The following COL19A1 variants were observed in gnomAD, a reference collection of about 807,000 sequenced individuals.
The protein encoded by COL19A1 is collagen alpha-1(XIX) chain.
COL19A1 carries 159 observed loss-of-function variants against 190.2 expected under a neutral mutation model. The ratio of observed to expected loss-of-function variants is 0.84; its 90% CI spans 0.73 to 0.95. The LOEUF (loss-of-function observed/expected upper bound fraction) is 0.95. Ranked by LOEUF, COL19A1 falls within the 40% of genes least tolerant of loss-of-function variation. The pLI, the probability that COL19A1 is intolerant of heterozygous loss-of-function variation, is 0.00. For missense variants in COL19A1, 1,418 were observed against 1,431.9 expected, an observed-to-expected ratio of 0.99 and a Z score of 0.16; for synonymous variants, 509 against 458.9, an observed-to-expected ratio of 1.11 and a Z score of -1.39.
intron 19 of COL19A1, among the ~76,000 whole-genome samples, chr6:70,138,573 G>T (rs893199317): frequency 3.3e-5 from 5 of 152,140 alleles, no homozygotes; most frequent in South Asian, 2.1e-4. Context: ...AAAGGATATT[G>T]GTTTATCAGG....
At chr6:70,163,916 G>A (rs930025848) in intron 36 of COL19A1, among the ~76,000 whole-genome samples, 2 of 152,134 alleles carry the variant, frequency 1.3e-5, no homozygotes, top group East Asian at 3.9e-4. Flanking sequence ...TACTAGCTGT[G>A]TCCTCACATA....
At chr6:70,195,896 A>G (rs891545936) in intron 48 of COL19A1, among the ~76,000 whole-genome samples, 2 of 152,108 alleles carry the variant, frequency 1.3e-5, no homozygotes, top group East Asian at 3.9e-4. Flanking sequence ...GTCTCCTTTC[A>G]TATGCTCCCC....
intron 47 of COL19A1, 75 bp from the exon 48 acceptor site, chr6:70,190,240 G>A (rs1766777589): frequency 2.5e-6 from 3 of 1,177,560 alleles, no homozygotes; most frequent in South Asian, 2.8e-5. Context: ...AAATAGGCAA[G>A]CCAACCCAAT....
intron 7 of COL19A1, among the ~76,000 whole-genome samples, chr6:69,933,349 A>G (rs180939686): frequency 6.6e-6 from 1 of 152,176 alleles, no homozygotes; most frequent in Admixed American, 6.6e-5. Context: ...TGCCTTCCCT[A>G]TGTCCTGCCC....
chr6:70,047,509 T>C (rs572558299), intron 14 of COL19A1, among the ~76,000 whole-genome samples: 158 of 152,274 alleles, frequency 1.0e-3, no homozygotes, highest in African/African-American at 3.6e-3. Flanking sequence ...AATCATGTTA[T>C]TTGAAAAATT....
intron 4 of COL19A1, among the ~76,000 whole-genome samples, chr6:69,913,206 G>A (rs1771074346): frequency 6.6e-6 from 1 of 152,096 alleles, no homozygotes; most frequent in African/African-American, 2.4e-5. Flanking sequence ...GGTTAAGAGG[G>A]CTATATTGAG....
intron 34 of COL19A1, among the ~76,000 whole-genome samples, chr6:70,156,963 T>G (rs889609694): frequency 1.3e-5 from 2 of 152,134 alleles, no homozygotes; most frequent in African/African-American, 4.8e-5. Flanking sequence ...AGTTATAATT[T>G]TTCTGTTTTC....
At chr6:69,910,592 G>C (rs1770847898) in intron 4 of COL19A1, among the ~76,000 whole-genome samples, 1 of 152,144 alleles carries the variant, frequency 6.6e-6, no homozygotes, top group Admixed American at 6.6e-5. Context: ...TTCTCATAAA[G>C]TAATGAAACT....
intron 1 of COL19A1, 87 bp from the exon 2 acceptor site, chr6:69,879,449 T>G (rs1768355164): frequency 2.9e-6 from 2 of 695,364 alleles, no homozygotes; most frequent in Admixed American, 2.4e-5. Flanking sequence ...TAACGTTGAT[T>G]GGTTTTGCTT....
Position 70,149,924 on chromosome 6 carries a change from AC to A in COL19A1, c.1983+23del. ...AATGATGTAAGGACTTTCTTTATCT[AC>A]CCTCCCCCATTTTAATCTGCACCTG... On this transcript the variant is annotated intron_variant, in intron 29 of 50. Transcript: ENST00000620364. The A allele has an allele frequency of 6.2e-7, 1 of 1,613,050 alleles. No homozygotes were observed. Among genetic ancestry groups the A allele is most frequent in the Non-Finnish European group, 8.5e-7 (1 of 1,179,634 alleles).
At chr6:69,869,122 A>T (rs1296040745) in intron 1 of COL19A1, among the ~76,000 whole-genome samples, 2 of 152,264 alleles carry the variant, frequency 1.3e-5, no homozygotes, top group East Asian at 3.9e-4. Flanking sequence ...AAACAGGCAG[A>T]GAATAACTAG....
chr6:70,084,636 A>G (rs1475984169), intron 15 of COL19A1, among the ~76,000 whole-genome samples: 1 of 152,090 alleles, frequency 6.6e-6, no homozygotes, highest in African/African-American at 2.4e-5. Flanking sequence ...TCCCCTACTA[A>G]TCACTTTGAT....
intron 17 of COL19A1, among the ~76,000 whole-genome samples, chr6:70,128,436 G>A (rs1419589703): frequency 6.6e-6 from 1 of 152,182 alleles, no homozygotes; most frequent in Non-Finnish European, 1.5e-5. Context: ...AAGAAACCAG[G>A]AGAGTAAGCT....
intron 49 of COL19A1, among the ~76,000 whole-genome samples, chr6:70,202,728 G>C (rs2150309346): frequency 6.6e-6 from 1 of 152,322 alleles, no homozygotes; most frequent in East Asian, 1.9e-4. Flanking sequence ...CCAAGATTCT[G>C]ATCATGAAAG....
intron 48 of COL19A1, among the ~76,000 whole-genome samples, chr6:70,192,813 C>A (rs1311905404): frequency 6.6e-6 from 1 of 152,296 alleles, no homozygotes. Flanking sequence ...GTCCTGGGGA[C>A]AGGACATCTA....
intron 15 of COL19A1, among the ~76,000 whole-genome samples, chr6:70,071,810 G>A (rs945583970): frequency 2.6e-5 from 4 of 152,050 alleles, no homozygotes; most frequent in Non-Finnish European, 4.4e-5. Flanking sequence ...GAAAAAGGCC[G>A]TACAGAACCA....
In COL19A1 at chr6:70,158,784, G is replaced by A. The variant is rs115113691; in HGVS notation, c.2292+2061G>A. The stretch of plus-strand genomic sequence containing the variant: ...AAAATGAAATATCAGAGCAGGGTAA[G>A]AACATAGCTCCAATGGTCTCCAAAT... On this transcript the variant is annotated intron_variant, in intron 34 of 50. Coordinates refer to ENST00000620364, the MANE Select transcript of COL19A1 (RefSeq NM_001858.6). Among the ~76,000 whole-genome samples, 814 of 152,176 alleles carry A rather than the reference G, an allele frequency of 5.3e-3. 8 individuals are homozygous for A. Among genetic ancestry groups the A allele is most frequent in the African/African-American group, 0.018 (765 of 41,550 alleles).
At chr6:70,004,857 T>C (rs1777517654) in intron 11 of COL19A1, among the ~76,000 whole-genome samples, 1 of 149,590 alleles carries the variant, frequency 6.7e-6, no homozygotes, top group South Asian at 2.1e-4. Context: ...TTTGACGGAG[T>C]CTTGCTCTGT....
chr6:70,066,912 C>G (rs1184797359), intron 14 of COL19A1, among the ~76,000 whole-genome samples: 1 of 151,990 alleles, frequency 6.6e-6, no homozygotes, highest in Non-Finnish European at 1.5e-5. Context: ...ATTTGGAAAA[C>G]TTTTTGAAAA....
Sources: allele counts gnomAD v4.1 joint callset (sites outside exome capture counted in the v4.1 genomes callset), GRCh38; gene constraint gnomAD v4.1.1; transcripts MANE v1.5; gene names NCBI Gene and HGNC (gene_info 2026-07-23, HGNC 2026-07-21).